Variants in PARP8 observed in about 807,000 individuals in gnomAD.
PARP8 encodes protein mono-ADP-ribosyltransferase PARP8.
A neutral mutation model predicts 124.1 loss-of-function variants in PARP8; 51 were observed. The observed-to-expected ratio is 0.41, with a 90% CI of 0.33 to 0.52. The LOEUF (loss-of-function observed/expected upper bound fraction) is 0.52, where lower values mean the gene tolerates loss of function less well. Among genes scored for constraint, PARP8 ranks in the 20% least tolerant of loss-of-function variants. The probability of loss-of-function intolerance (pLI) is 0.21; values close to 1 mark genes in which losing one functional copy is unlikely to be tolerated. For missense variants in PARP8, 860 were observed against 1,018.9 expected, an observed-to-expected ratio of 0.84 and a Z score of 2.12; for synonymous variants, 391 against 361.5, an observed-to-expected ratio of 1.08 and a Z score of -0.93.
At position 50,667,056 on chromosome 5, in the gene PARP8, G is replaced by C. The variant is rs906292846; in HGVS notation, c.-40G>C. 5.0e-6 allele frequency: 8 copies of C among 1,595,978 alleles called. No individual in the cohort carries two copies. The African/African-American group carries it at 9.4e-5, about 19-fold the overall frequency. On this transcript the variant is annotated 5_prime_UTR_variant, in exon 1 of 26. Transcript: ENST00000281631. ...GAAGCGTGCGAGGGGGGTGGGGTGGGGTGGAAATAGCGGCTGCTTCTTTTC... is the reference window on the plus strand; with the variant it reads ...GAAGCGTGCGAGGGGGGTGGGGTGGCGTGGAAATAGCGGCTGCTTCTTTTC...
rs1244720545 is a variant in PARP8, at chr5:50,845,748, C to T, written c.*3680C>T. The T allele has an allele frequency of 4.0e-5, 6 of 151,812 alleles. No individual in the cohort carries two copies. Among genetic ancestry groups the T allele is most frequent in the East Asian group, 1.9e-4 (1 of 5,162 alleles). The allele number at this position is 151,812 out of a possible 1,614,324, so 9.4% of individuals were successfully genotyped here. On this transcript the variant is annotated 3_prime_UTR_variant, in exon 26 of 26. Coordinates refer to ENST00000281631, the MANE Select transcript of PARP8 (RefSeq NM_024615.4). ...AGTCTATTTTGAGATTGATTTTCTA[C>T]GTGGGCCAATTTTATGTCCATTACC...
rs282558 is a variant in PARP8, at chr5:50,738,491, A to T, written c.147-11660A>T. 4.5e-4 allele frequency among the ~76,000 whole-genome samples: 68 copies of T among 152,336 alleles called. No homozygotes were observed. In the East Asian group the frequency reaches 6.9e-3, roughly 16 times the overall value. ...AAAATTAAATCAAAGCTATATGTTT[A>T]CATTCAGTTTTTAATGCAAATAGCT... On this transcript the variant is annotated intron_variant, in intron 2 of 25. Transcript: ENST00000281631.
At chr5:50,759,194 C>T (rs1192352411) in intron 3 of PARP8, among the ~76,000 whole-genome samples, 8 of 152,098 alleles carry the variant, frequency 5.3e-5, no homozygotes, top group Admixed American at 2.0e-4. Context: ...GCTAGGACTA[C>T]AGGTGTGAGC....
chr5:50,817,351 G>A (rs1745216919), intron 15 of PARP8, among the ~76,000 whole-genome samples: 1 of 152,128 alleles, frequency 6.6e-6, no homozygotes, highest in South Asian at 2.1e-4. Context: ...TCCAAAGACA[G>A]CATTTTTTTC....
chr5:50,748,060 G>T (rs1473798644), intron 2 of PARP8, among the ~76,000 whole-genome samples: 1 of 151,686 alleles, frequency 6.6e-6, no homozygotes, highest in Non-Finnish European at 1.5e-5. Flanking sequence ...TTAGATTCAG[G>T]CTCTATTTAC....
intron 18 of PARP8, among the ~76,000 whole-genome samples, chr5:50,825,192 G>T (rs1746209682): frequency 6.6e-6 from 1 of 152,104 alleles, no homozygotes; most frequent in Admixed American, 6.6e-5. Flanking sequence ...AGAGAATGCT[G>T]TCACATGCAC....
At chr5:50,686,497 T>C (rs1751876623) in intron 2 of PARP8, among the ~76,000 whole-genome samples, 1 of 152,148 alleles carries the variant, frequency 6.6e-6, no homozygotes, top group Non-Finnish European at 1.5e-5. Context: ...CATTCTGGGG[T>C]CTGGAGGACA....
At chr5:50,822,232 G>A (rs1745839862) in intron 16 of PARP8, 103 bp from the exon 17 acceptor site, 5 of 841,988 alleles carry the variant, frequency 5.9e-6, no homozygotes, top group South Asian at 5.8e-5. Flanking sequence ...TGACCCCAGT[G>A]GAAAATTCAC....
chr5:50,701,640 G>C (rs935421688), intron 2 of PARP8, among the ~76,000 whole-genome samples: 1 of 152,070 alleles, frequency 6.6e-6, no homozygotes, highest in African/African-American at 2.4e-5. Flanking sequence ...TCATGAGGTT[G>C]TTAAAGAGAT....
chr5:50,787,798 T>G (rs986040382), intron 9 of PARP8, among the ~76,000 whole-genome samples: 3 of 151,278 alleles, frequency 2.0e-5, no homozygotes, highest in African/African-American at 7.3e-5. Context: ...TATTTTTATA[T>G]ATTTAGTTAC....
intron 14 of PARP8, among the ~76,000 whole-genome samples, chr5:50,797,596 T>C (rs969055337): frequency 6.6e-6 from 1 of 152,150 alleles, no homozygotes; most frequent in Admixed American, 6.5e-5. Context: ...CTCCACAATT[T>C]AAGATGCTGA....
chr5:50,742,709 A>G (rs903614694), intron 2 of PARP8, among the ~76,000 whole-genome samples: 1 of 152,184 alleles, frequency 6.6e-6, no homozygotes, highest in Non-Finnish European at 1.5e-5. Flanking sequence ...GTTAATAGAT[A>G]ATATTGAGAA....
rs1748330936 is a variant in PARP8, at chr5:50,843,032, A to G, written c.*964A>G. The G allele has an allele frequency of 2.0e-5, 3 of 151,800 alleles. No individual in the cohort carries two copies. The highest frequency in any genetic ancestry group is 7.2e-5 in the African/African-American group (3 of 41,492). The allele number at this position is 151,800 out of a possible 1,614,324, so 9.4% of individuals were successfully genotyped here. Reference sequence around the variant, plus strand: ...AATTATACAATTTTATTTATGCCACACCAGCATTTTTATATTTGTTCATCT... The same window carrying G: ...AATTATACAATTTTATTTATGCCACGCCAGCATTTTTATATTTGTTCATCT... On this transcript the variant is annotated 3_prime_UTR_variant, in exon 26 of 26. Transcript: ENST00000281631.
intron 2 of PARP8, among the ~76,000 whole-genome samples, chr5:50,709,785 C>T (rs918021051): frequency 3.4e-5 from 5 of 149,180 alleles, no homozygotes; most frequent in African/African-American, 1.2e-4. Context: ...GACCAAGGAA[C>T]CAAAAGAGAG....
intron 15 of PARP8, among the ~76,000 whole-genome samples, chr5:50,820,198 AT>A (rs1745602015): frequency 6.6e-6 from 1 of 152,196 alleles, no homozygotes; most frequent in Admixed American, 6.5e-5. Flanking sequence ...CTCTGCTGTC[AT>A]TAGGTCACAA....
intron 16 of PARP8, 116 bp downstream of exon 16, chr5:50,821,454 A>G (rs1175321060): frequency 2.0e-5 from 23 of 1,141,534 alleles, no homozygotes; most frequent in Non-Finnish European, 2.6e-5. Context: ...CTCATCAAGC[A>G]TATCCATGAG....
intron 15 of PARP8, 133 bp from the exon 16 acceptor site, chr5:50,821,080 C>G (rs541204483): frequency 1.2e-5 from 12 of 984,230 alleles, no homozygotes; most frequent in South Asian, 1.6e-5. Flanking sequence ...TCAAGTCTTG[C>G]ATTACACATT....
chr5:50,667,666 G>A, intron 1 of PARP8: 2 of 699,694 alleles, frequency 2.9e-6, no homozygotes, highest in Non-Finnish European at 2.6e-6. Flanking sequence ...GGCCCCTTCG[G>A]CTCCCTCTAG....
chr5:50,837,944 C>A (rs1248113199), intron 25 of PARP8, among the ~76,000 whole-genome samples: 1 of 152,022 alleles, frequency 6.6e-6, no homozygotes, highest in African/African-American at 2.4e-5. Context: ...TTTCTAGAAA[C>A]TGTGAGTAAA....
Sources: gnomAD v4.1 joint callset for allele counts (sites outside exome capture counted in the v4.1 genomes callset) on GRCh38, gnomAD v4.1.1 for gene constraint, MANE v1.5 for transcripts, NCBI Gene and HGNC (gene_info 2026-07-23, HGNC 2026-07-21) for gene names.